The following C5orf34 variants were observed in gnomAD, a reference collection of about 807,000 sequenced individuals.
The protein encoded by C5orf34 is uncharacterized protein C5orf34.
Under a neutral mutation model 78.4 loss-of-function variants are expected in C5orf34, and 73 were observed. The ratio of observed to expected loss-of-function variants is 0.93; its 90% CI spans 0.77 to 1.13. The LOEUF (loss-of-function observed/expected upper bound fraction) is 1.13, where lower values mean the gene tolerates loss of function less well. Ranked by LOEUF, C5orf34 falls within the 50% of genes most tolerant of loss-of-function variation. The probability of loss-of-function intolerance (pLI) is 0.00; values close to 1 mark genes in which losing one functional copy is unlikely to be tolerated. For missense variants in C5orf34, 730 were observed against 732.7 expected (o/e 1.00, Z 0.04); for synonymous variants, 251 against 246.6 (o/e 1.02, Z -0.17).
intron 1 of C5orf34, chr5:43,510,985 T>G: frequency 4.7e-6 from 1 of 212,466 alleles, no homozygotes; most frequent in Non-Finnish European, 9.5e-6. Context: ...CCATCCCATC[T>G]AGGAAGTGAG....
At chr5:43,488,706 T>C (rs1387546232) in intron 11 of C5orf34, among the ~76,000 whole-genome samples, 1 of 151,968 alleles carries the variant, frequency 6.6e-6, no homozygotes, top group African/African-American at 2.4e-5. Flanking sequence ...TGGTATGGAG[T>C]AGAGGGCTAA....
chr5:43,507,038 A>G (rs1746011758), intron 3 of C5orf34, among the ~76,000 whole-genome samples: 2 of 152,222 alleles, frequency 1.3e-5, no homozygotes. Context: ...GGGTTATCAC[A>G]TGAACCAAAT....
chr5:43,506,522 G>GA, intron 3 of C5orf34, 128 bp from the exon 4 acceptor site: 1 of 880,846 alleles, frequency 1.1e-6, no homozygotes, highest in Non-Finnish European at 1.6e-6. Flanking sequence ...TACAGAGAAT[G>GA]AAAAAATGGA....
rs769974753 is a variant in C5orf34, at chr5:43,492,774, A to G, written c.1431T>C (p.Asp477=). 33 of 1,613,200 alleles carry G rather than the reference A, an allele frequency of 2.0e-5. 2 individuals carry two copies. The South Asian group carries it at 3.3e-4, about 16-fold the overall frequency. The stretch of plus-strand genomic sequence containing the variant: ...TCCAATTTAGGGTTAGAGTAATGCC[A>G]TCTAAAAAGATAGCATGTACTTTGT... ...SDDKVHAIFL[D]GITLTLNWNF... Residue 477 remains aspartate (D), a synonymous_variant, in exon 9 of 13, where the codon GAT becomes GAC. Transcript: ENST00000306862.
intron 6 of C5orf34, chr5:43,495,883 T>C: frequency 1.3e-6 from 2 of 1,594,190 alleles, no homozygotes; most frequent in East Asian, 2.2e-5. Flanking sequence ...AACCAGAAAT[T>C]GGCACAAATG....
intron 7 of C5orf34, among the ~76,000 whole-genome samples, chr5:43,494,113 T>C (rs1285773437): frequency 2.0e-5 from 3 of 152,196 alleles, no homozygotes; most frequent in Non-Finnish European, 4.4e-5. Context: ...AACCAATCTA[T>C]GCTTTATCAT....
intron 1 of C5orf34, among the ~76,000 whole-genome samples, chr5:43,512,449 C>G (rs557291467): frequency 6.6e-6 from 1 of 152,372 alleles, no homozygotes; most frequent in South Asian, 2.1e-4. Flanking sequence ...TCACCTCTAT[C>G]TCTTTACTGA....
Position 43,487,112 on chromosome 5 carries a change from C to G in C5orf34, c.1721-1G>C. ...AGGATACCACTATTTTCTAGTAGCACTAAGTTGCTTAGTTAAGGAGGTTTT... is the reference window on the plus strand; with the variant it reads ...AGGATACCACTATTTTCTAGTAGCAGTAAGTTGCTTAGTTAAGGAGGTTTT... On this transcript the variant is annotated splice_acceptor_variant, in intron 12 of 12. Coordinates refer to ENST00000306862, the MANE Select transcript of C5orf34 (RefSeq NM_198566.4). LOFTEE classifies it high-confidence loss of function. 1 of 1,497,220 alleles carries G rather than the reference C, an allele frequency of 6.7e-7. No individual in the cohort carries two copies. The highest frequency in any genetic ancestry group is 8.9e-7 in the Non-Finnish European group (1 of 1,119,152). 92.7% of individuals were successfully genotyped at this position (1,497,220 alleles called of 1,614,324 possible).
At chr5:43,494,213 G>A (rs902041636) in intron 7 of C5orf34, among the ~76,000 whole-genome samples, 6 of 152,044 alleles carry the variant, frequency 3.9e-5, no homozygotes, top group African/African-American at 1.2e-4. Flanking sequence ...TTGATTTCAA[G>A]GAACAATAAT....
At chr5:43,488,152 T>A (rs1211652380) in intron 11 of C5orf34, 2 of 560,942 alleles carry the variant, frequency 3.6e-6, no homozygotes, top group Admixed American at 6.3e-5. Flanking sequence ...GGTAAGTGAA[T>A]AAAAGTCTAC....
intron 7 of C5orf34, 129 bp from the exon 8 acceptor site, chr5:43,493,741 CT>C: frequency 1.8e-6 from 1 of 565,250 alleles, no homozygotes; most frequent in South Asian, 2.6e-5. Flanking sequence ...GTTGGGAACT[CT>C]TTTTTTCTCC....
At chr5:43,505,233 A>G (rs1457156558) in intron 4 of C5orf34, among the ~76,000 whole-genome samples, 2 of 152,202 alleles carry the variant, frequency 1.3e-5, no homozygotes, top group Non-Finnish European at 2.9e-5. Context: ...CTCCGTGTGT[A>G]CCCCTTTTGA....
rs547192611 is a variant in C5orf34, at chr5:43,511,068, T to C, written c.-36-1693A>G. 8 of 176,198 alleles carry C rather than the reference T, an allele frequency of 4.5e-5. No homozygotes were observed. The South Asian group carries it at 6.8e-4, about 15-fold the overall frequency. The allele number at this position is 176,198 out of a possible 1,614,324, so 10.9% of individuals were successfully genotyped here. Reference sequence around the variant, plus strand: ...CTGCCCCGCCGCCCCGTCTGGGATGTGAGGAGCGCCTCTGCCGGGCCGCGA... The same window carrying C: ...CTGCCCCGCCGCCCCGTCTGGGATGCGAGGAGCGCCTCTGCCGGGCCGCGA... On this transcript the variant is annotated intron_variant, in intron 1 of 12. Transcript: ENST00000306862.
chr5:43,506,387 A>G lies in C5orf34; in HGVS notation c.293T>C (p.Phe98Ser). The G allele has an allele frequency of 6.3e-7, 1 of 1,599,584 alleles. No homozygotes were observed. The highest frequency in any genetic ancestry group is 8.5e-7 in the Non-Finnish European group (1 of 1,172,452). The change falls in exon 4 of 13, where the codon TTC becomes TCC. Residue 98 changes from phenylalanine (F) to serine (S), a missense_variant. Transcript: ENST00000306862. ...IIPSERKKHIFIDITEVRWPS... is the reference protein window; with the variant it reads ...IIPSERKKHISIDITEVRWPS... ...CCATCTCACTTCTGTTATGTCAATG[A>G]AGATATGCTGCAAGGAGAGGGGAAA...
intron 1 of C5orf34, among the ~76,000 whole-genome samples, chr5:43,512,671 T>TA (rs1746320039): frequency 1.3e-5 from 2 of 151,868 alleles, no homozygotes; most frequent in South Asian, 4.2e-4. Flanking sequence ...ACCATTCCCT[T>TA]AAATCAAGGA....
chr5:43,489,867 C>G (rs1056283998), intron 11 of C5orf34, among the ~76,000 whole-genome samples: 1 of 152,080 alleles, frequency 6.6e-6, no homozygotes, highest in African/African-American at 2.4e-5. Context: ...CCCATATATT[C>G]AGGTTAGACT....
chr5:43,495,685 A>T (rs1265564718), intron 6 of C5orf34: 2 of 1,581,358 alleles, frequency 1.3e-6, no homozygotes, highest in African/African-American at 2.7e-5. Flanking sequence ...CAGTACCAAT[A>T]CCACCAATTT....
intron 1 of C5orf34, among the ~76,000 whole-genome samples, chr5:43,512,803 A>G (rs1746328661): frequency 1.5e-5 from 1 of 68,326 alleles, no homozygotes; most frequent in Non-Finnish European, 2.6e-5. Flanking sequence ...TTTTTTTTTG[A>G]GACAGAGTCT....
At chr5:43,491,906 A>C (rs1037112419) in intron 10 of C5orf34, among the ~76,000 whole-genome samples, 2 of 150,396 alleles carry the variant, frequency 1.3e-5, no homozygotes, top group Non-Finnish European at 3.0e-5. Context: ...CAGGAGGCTG[A>C]GGCAGGAGAA....
Sources: gnomAD v4.1 joint callset for allele counts (sites outside exome capture counted in the v4.1 genomes callset) on GRCh38, gnomAD v4.1.1 for gene constraint, MANE v1.5 for transcripts, NCBI Gene and HGNC (gene_info 2026-07-23, HGNC 2026-07-21) for gene names.